The following MAST4 variants were observed in gnomAD, a reference collection of about 807,000 sequenced individuals.
The protein encoded by MAST4 is microtubule associated serine/threonine kinase family member 4.
A neutral mutation model predicts 162.7 loss-of-function variants in MAST4; 89 were observed. The ratio of observed to expected loss-of-function variants is 0.55; its 90% CI spans 0.46 to 0.65. The LOEUF is 0.65. Among genes scored for constraint, MAST4 ranks in the 30% least tolerant of loss-of-function variants. The pLI, the probability that MAST4 is intolerant of heterozygous loss-of-function variation, is 0.00. For missense variants in MAST4, 3,153 were observed against 3,374.0 expected, an observed-to-expected ratio of 0.93 and a Z score of 1.62; for synonymous variants, 1,479 against 1,361.1, an observed-to-expected ratio of 1.09 and a Z score of -1.91.
intron 1 of MAST4, among the ~76,000 whole-genome samples, chr5:66,711,718 C>T (rs1580263475): frequency 6.6e-6 from 1 of 152,088 alleles, no homozygotes; most frequent in Non-Finnish European, 1.5e-5. Flanking sequence ...GTCTGTAATC[C>T]CAGCTACTCA....
chr5:66,799,316 T>G (rs556955934), intron 3 of MAST4, among the ~76,000 whole-genome samples: 1 of 152,180 alleles, frequency 6.6e-6, no homozygotes, highest in Non-Finnish European at 1.5e-5. Flanking sequence ...CAATCCAGGT[T>G]ACATGACCCT....
chr5:66,647,633 A>G (rs1162246920), intron 1 of MAST4, among the ~76,000 whole-genome samples: 1 of 152,194 alleles, frequency 6.6e-6, no homozygotes, highest in African/African-American at 2.4e-5. Context: ...TTGATTGAAG[A>G]CTTAGTATTG....
At position 67,130,436 on chromosome 5, in the gene MAST4, C is replaced by T. The variant is rs777308628; in HGVS notation, c.1954+18C>T. On this transcript the variant is annotated intron_variant, in intron 15 of 28. Transcript: ENST00000403625. ...TGTGGAAGGTATCTGACACGGAAAACATGACACCTGTACCCAGGAATCCCT... is the reference window on the plus strand; with the variant it reads ...TGTGGAAGGTATCTGACACGGAAAATATGACACCTGTACCCAGGAATCCCT... The T allele has an allele frequency of 8.1e-6, 13 of 1,611,794 alleles. No homozygotes were observed. The highest frequency in any genetic ancestry group is 1.1e-5 in the Non-Finnish European group (13 of 1,178,588).
chr5:66,783,669 C>T (rs914457109), intron 2 of MAST4, among the ~76,000 whole-genome samples: 6 of 151,898 alleles, frequency 4.0e-5, no homozygotes, highest in African/African-American at 9.7e-5. Flanking sequence ...TGGACTTTCA[C>T]GAGATGGCCA....
At chr5:66,761,372 A>C (rs868620093) in intron 2 of MAST4, among the ~76,000 whole-genome samples, 39 of 152,320 alleles carry the variant, frequency 2.6e-4, no homozygotes, top group African/African-American at 8.2e-4. Flanking sequence ...TCACCACTTA[A>C]AATTGTATGT....
At chr5:67,109,389 G>T (rs944308351) in intron 10 of MAST4, among the ~76,000 whole-genome samples, 1 of 151,944 alleles carries the variant, frequency 6.6e-6, no homozygotes, top group African/African-American at 2.4e-5. Flanking sequence ...TTACCTTCAG[G>T]CTCTGTGTAT....
chr5:66,920,946 C>T (rs1462914723), intron 4 of MAST4, among the ~76,000 whole-genome samples: 3 of 151,926 alleles, frequency 2.0e-5, no homozygotes, highest in African/African-American at 4.8e-5. Context: ...GATTGGAGTG[C>T]CCAGACAGTG....
intron 1 of MAST4, among the ~76,000 whole-genome samples, chr5:66,729,847 G>A (rs889909754): frequency 4.6e-5 from 7 of 152,184 alleles, no homozygotes; most frequent in African/African-American, 1.7e-4. Context: ...TAAGTGCTGA[G>A]TTTCAAGCTT....
At chr5:66,920,321 T>C (rs1196702979) in intron 4 of MAST4, among the ~76,000 whole-genome samples, 2 of 152,152 alleles carry the variant, frequency 1.3e-5, no homozygotes, top group African/African-American at 4.8e-5. Context: ...TAAAGATAAA[T>C]ATAAAAAATT....
chr5:66,970,168 C>T (rs1747254349), intron 4 of MAST4, among the ~76,000 whole-genome samples: 1 of 152,074 alleles, frequency 6.6e-6, no homozygotes, highest in African/African-American at 2.4e-5. Context: ...GTGGACAGGC[C>T]ACTTAGCACT....
intron 1 of MAST4, among the ~76,000 whole-genome samples, chr5:66,601,951 A>G (rs190715050): frequency 1.3e-5 from 2 of 152,272 alleles, no homozygotes; most frequent in Admixed American, 1.3e-4. Flanking sequence ...TGTGGGGGTG[A>G]GATGCGATTG....
intron 4 of MAST4, among the ~76,000 whole-genome samples, chr5:67,036,619 GTAGGGTTCCTAT>G (rs1182062211): frequency 6.6e-6 from 1 of 152,090 alleles, no homozygotes; most frequent in African/African-American, 2.4e-5. Flanking sequence ...TAAATCATCT[GTAGGGTTCCTAT>G]AACACCTAAT....
chr5:66,662,015 T>C (rs1217903195), intron 1 of MAST4, among the ~76,000 whole-genome samples: 1 of 151,978 alleles, frequency 6.6e-6, no homozygotes, highest in Non-Finnish European at 1.5e-5. Flanking sequence ...TTAGTGGTGA[T>C]AATCAAAACA....
chr5:66,842,655 A>G (rs1326890736), intron 3 of MAST4, among the ~76,000 whole-genome samples: 4 of 152,168 alleles, frequency 2.6e-5, no homozygotes, highest in Non-Finnish European at 4.4e-5. Flanking sequence ...GATCCTGGAT[A>G]TTAACTTCTG....
intron 5 of MAST4, among the ~76,000 whole-genome samples, chr5:67,084,651 G>A (rs1391012433): frequency 3.3e-5 from 5 of 152,166 alleles, no homozygotes; most frequent in Admixed American, 2.0e-4. Context: ...ATTATTTAGA[G>A]AAAGAGAGAA....
At chr5:66,726,215 G>A (rs76852051) in intron 1 of MAST4, among the ~76,000 whole-genome samples, 2,131 of 152,166 alleles carry the variant, frequency 0.014, 50 homozygotes, top group African/African-American at 0.047. Flanking sequence ...CTTGGAGGAG[G>A]TAGATAAAAT....
At chr5:66,759,922 G>A in intron 2 of MAST4, 60 bp downstream of exon 2, 1 of 1,565,138 alleles carries the variant, frequency 6.4e-7, no homozygotes, top group Non-Finnish European at 8.7e-7. Context: ...GTCCTGCATG[G>A]CCCCAGAGTT....
chr5:66,709,722 A>G (rs1750373466), intron 1 of MAST4, among the ~76,000 whole-genome samples: 1 of 152,188 alleles, frequency 6.6e-6, no homozygotes, highest in African/African-American at 2.4e-5. Context: ...ATTAAGTTAT[A>G]TATAAAATAC....
rs549249080 is a variant in MAST4, at chr5:66,967,684, T to TAAAA, written c.674+67716_674+67719dup. Among the ~76,000 whole-genome samples the TAAAA allele has an allele frequency of 3.5e-3, 393 of 112,928 alleles. 1 individual carries two copies. Among genetic ancestry groups the TAAAA allele is most frequent in the African/African-American group, 0.012 (372 of 30,792 alleles). 74.1% of individuals were successfully genotyped at this position (112,928 alleles called of 152,430 possible). A position where few individuals can be genotyped will look rare whatever the true frequency, so the allele number is the denominator to read the frequency against. Reference sequence around the variant, plus strand: ...TCCATCTTGAAAATCTCACACTCCTTAAAAAAAAAAAAAAAAAGAAAAACA... The same window carrying TAAAA: ...TCCATCTTGAAAATCTCACACTCCTTAAAAAAAAAAAAAAAAAAAAAGAAAAACA... On this transcript the variant is annotated intron_variant, in intron 4 of 28. Transcript: ENST00000403625.
Sources: gnomAD v4.1 joint callset for allele counts (sites outside exome capture counted in the v4.1 genomes callset) on GRCh38, gnomAD v4.1.1 for gene constraint, MANE v1.5 for transcripts, NCBI Gene and HGNC (gene_info 2026-07-23, HGNC 2026-07-21) for gene names.